NRP2: variants seen among roughly 807,000 people sequenced by gnomAD.
The protein encoded by NRP2 is neuropilin 2, also known as neuropilin-2.
NRP2 carries 52 observed loss-of-function variants against 110.4 expected under a neutral mutation model. That is an observed-to-expected ratio of 0.47 (90% CI 0.38 to 0.59). The LOEUF (loss-of-function observed/expected upper bound fraction) is 0.59, where lower values mean the gene tolerates loss of function less well. Ranked by LOEUF, NRP2 falls within the 20% of genes least tolerant of loss-of-function variation. The pLI, the probability that NRP2 is intolerant of heterozygous loss-of-function variation, is 0.00. For synonymous variants in NRP2, 508 were observed against 468.9 expected (o/e 1.08, Z -1.08); for missense variants, 1,049 against 1,203.0 (o/e 0.87, Z 1.89).
intron 2 of NRP2, among the ~76,000 whole-genome samples, chr2:205,714,335 C>T (rs769429625): frequency 1.6e-4 from 25 of 152,264 alleles, no homozygotes; most frequent in African/African-American, 4.1e-4. Flanking sequence ...GGGACTCTTG[C>T]GCTCTGGGCC....
chr2:205,740,019 G>A (rs1357501302), intron 7 of NRP2: 1 of 253,132 alleles, frequency 4.0e-6, no homozygotes, highest in East Asian at 1.0e-4. Flanking sequence ...CATCTTGTCC[G>A]CTCATGGGTG....
intron 2 of NRP2, among the ~76,000 whole-genome samples, chr2:205,709,325 CTT>C: frequency 6.6e-6 from 1 of 152,246 alleles, no homozygotes; most frequent in South Asian, 2.1e-4. Context: ...GTGTGTAACT[CTT>C]CTCTTCTCCA....
In NRP2 at chr2:205,745,685, G is replaced by A. The variant is rs2105879962; in HGVS notation, c.1642-61G>A. ...CAGGGAGGAGAAGGGGAAGGAAAGGGAAGAAGGTGATAGGGACTGGGTCCC... is the reference window on the plus strand; with the variant it reads ...CAGGGAGGAGAAGGGGAAGGAAAGGAAAGAAGGTGATAGGGACTGGGTCCC... On this transcript the variant is annotated intron_variant, in intron 9 of 16. Coordinates refer to ENST00000357785, the MANE Select transcript of NRP2 (RefSeq NM_003872.3). The A allele has an allele frequency of 1.9e-6, 3 of 1,606,400 alleles. No individual in the cohort carries two copies. The South Asian group carries it at 3.3e-5, about 18-fold the overall frequency.
chr2:205,764,933 A>ATTTGT (rs1414973234), intron 13 of NRP2, among the ~76,000 whole-genome samples: 25 of 152,234 alleles, frequency 1.6e-4, no homozygotes, highest in African/African-American at 6.0e-4. Context: ...TGTCCAGGGC[A>ATTTGT]TAGTAGGTGC....
intron 8 of NRP2, 67 bp from the exon 9 acceptor site, chr2:205,743,136 A>G: frequency 1.2e-6 from 2 of 1,600,378 alleles, no homozygotes; most frequent in Admixed American, 1.7e-5. Context: ...CTCCCTTCTT[A>G]TAGCGGGTGG....
chr2:205,796,407 C>T lies in NRP2; in HGVS notation c.*1349C>T, dbSNP rs2058352183. ...ACCTAGGTTCTTACACATATGCACA[C>T]ACGCATACACACATGCACGCACACA... is the stretch of plus-strand genomic sequence containing the variant. On this transcript the variant is annotated 3_prime_UTR_variant, in exon 17 of 17. Coordinates refer to ENST00000357785, the MANE Select transcript of NRP2 (RefSeq NM_003872.3). 1 of 152,670 alleles carries T rather than the reference C, an allele frequency of 6.6e-6. No individual in the cohort carries two copies. Among genetic ancestry groups the T allele is most frequent in the Non-Finnish European group, 1.5e-5 (1 of 68,078 alleles). The allele number at this position is 152,670 out of a possible 1,614,324, so 9.5% of individuals were successfully genotyped here.
At chr2:205,749,207 C>T (rs1482399399) in intron 10 of NRP2, among the ~76,000 whole-genome samples, 1 of 152,202 alleles carries the variant, frequency 6.6e-6, no homozygotes, top group African/African-American at 2.4e-5. Context: ...TCCAACCTTC[C>T]CCTGCCCTCA....
intron 15 of NRP2, among the ~76,000 whole-genome samples, chr2:205,775,141 T>C (rs1174326294): frequency 6.6e-6 from 1 of 152,212 alleles, no homozygotes; most frequent in Non-Finnish European, 1.5e-5. Context: ...GCATTTTTCA[T>C]AGGAGAAGCA....
At chr2:205,687,167 G>A (rs1430707618) in intron 1 of NRP2, among the ~76,000 whole-genome samples, 4 of 152,114 alleles carry the variant, frequency 2.6e-5, no homozygotes, top group African/African-American at 9.7e-5. Context: ...TCACCCTTCC[G>A]TCTGGACTGG....
At chr2:205,729,936 G>T (rs1025869333) in intron 7 of NRP2, among the ~76,000 whole-genome samples, 2 of 152,146 alleles carry the variant, frequency 1.3e-5, no homozygotes, top group Non-Finnish European at 1.5e-5. Flanking sequence ...GGGGTAACTT[G>T]AGAGTTTTTT....
chr2:205,789,107 C>T (rs2058269223), intron 15 of NRP2, among the ~76,000 whole-genome samples: 1 of 152,174 alleles, frequency 6.6e-6, no homozygotes, highest in Non-Finnish European at 1.5e-5. Flanking sequence ...TGTATCCAGC[C>T]AATCCGGATC....
chr2:205,776,773 A>T, intron 15 of NRP2: 8 of 1,410,842 alleles, frequency 5.7e-6, no homozygotes, highest in Non-Finnish European at 7.4e-6. Flanking sequence ...TGCATCTTGG[A>T]CTATCCGAAG....
chr2:205,750,379 G>A (rs2057622180), intron 11 of NRP2, among the ~76,000 whole-genome samples: 1 of 152,174 alleles, frequency 6.6e-6, no homozygotes, highest in Non-Finnish European at 1.5e-5. Flanking sequence ...GATTCTATAA[G>A]ATAGTGCACT....
At position 205,763,184 on chromosome 2, in the gene NRP2, G is replaced by A. The variant is rs984161726; in HGVS notation, c.2045-490G>A. Among the ~76,000 whole-genome samples, 3 of 152,168 alleles carry A rather than the reference G, an allele frequency of 2.0e-5. No homozygotes were observed. The highest frequency in any genetic ancestry group is 6.5e-5 in the Admixed American group (1 of 15,280). ...CATTTGGACAGTGCCCAGCCAAGAT[G>A]GCCAGGGCTGGAAGCATCAACCACC... On this transcript the variant is annotated intron_variant, in intron 12 of 16. Coordinates refer to ENST00000357785, the MANE Select transcript of NRP2 (RefSeq NM_003872.3). The surrounding 1 kb of genome is among the most constrained non-coding windows in gnomAD (Gnocchi z 4.0).
At chr2:205,703,628 G>A (rs2056609679) in intron 2 of NRP2, among the ~76,000 whole-genome samples, 1 of 152,206 alleles carries the variant, frequency 6.6e-6, no homozygotes, top group Admixed American at 6.5e-5. Flanking sequence ...ACAGCATCCA[G>A]GTCCAGCCTA....
Position 205,683,177 on chromosome 2 carries a change from C to T in NRP2, c.-114C>T, listed in dbSNP as rs1165175295. 4 of 774,658 alleles carry T rather than the reference C, an allele frequency of 5.2e-6. No individual in the cohort carries two copies. Among genetic ancestry groups the T allele is most frequent in the Non-Finnish European group, 8.8e-6 (4 of 453,858 alleles). The allele number at this position is 774,658 out of a possible 1,614,324, so 48.0% of individuals were successfully genotyped here. On this transcript the variant is annotated 5_prime_UTR_variant, in exon 1 of 17. Transcript: ENST00000357785. ...CAGGACTCAGGAGGGAAACGCTGAC[C>T]ATTAGAAACCTCTGCATAAGACGTT... is the stretch of plus-strand genomic sequence containing the variant.
At chr2:205,775,109 C>G (rs764127638) in intron 15 of NRP2, among the ~76,000 whole-genome samples, 22 of 152,198 alleles carry the variant, frequency 1.4e-4, no homozygotes, top group Non-Finnish European at 3.1e-4. Flanking sequence ...ATCTTTCCGG[C>G]TTAATGCAAA....
At position 205,796,668 on chromosome 2, in the gene NRP2, T is replaced by A. The variant is rs1391157129; in HGVS notation, c.*1610T>A. 6.6e-6 allele frequency: 1 copy of A among 152,592 alleles called. No individual in the cohort carries two copies. The highest frequency in any genetic ancestry group is 1.5e-5 in the Non-Finnish European group (1 of 68,034). The allele number at this position is 152,592 out of a possible 1,614,324, so 9.5% of individuals were successfully genotyped here. On this transcript the variant is annotated 3_prime_UTR_variant, in exon 17 of 17. Transcript: ENST00000357785. ...CCCGAGTGGTAGTCATAGCCCTAGATGACTCTCAACTACTCTTCAAAGGGA... is the reference window on the plus strand; with the variant it reads ...CCCGAGTGGTAGTCATAGCCCTAGAAGACTCTCAACTACTCTTCAAAGGGA...
At chr2:205,683,459 A>C (rs1490329591) in intron 1 of NRP2, 96 bp downstream of exon 1, 1 of 832,620 alleles carries the variant, frequency 1.2e-6, no homozygotes, top group Non-Finnish European at 2.1e-6. Context: ...GCACAGAAGA[A>C]GGCTCCCTCA....
Sources: allele counts gnomAD v4.1 joint callset (sites outside exome capture counted in the v4.1 genomes callset), GRCh38; gene constraint gnomAD v4.1.1; non-coding constraint Gnocchi (gnomAD v3.1); transcripts MANE v1.5; gene names NCBI Gene and HGNC (gene_info 2026-07-23, HGNC 2026-07-21).